The following TMLHE variants were observed in gnomAD, a reference collection of about 807,000 sequenced individuals.
TMLHE encodes trimethyllysine hydroxylase, epsilon.
In TMLHE, 18 loss-of-function variants were observed where a neutral mutation model predicts 25.7. The ratio of observed to expected loss-of-function variants is 0.70; its 90% CI spans 0.48 to 1.04. The LOEUF is 1.04. Ranked by LOEUF, TMLHE falls within the 50% of genes least tolerant of loss-of-function variation. TMLHE has a pLI of 0.00. For missense variants in TMLHE, 236 were observed against 259.0 expected (o/e 0.91, Z 0.61); for synonymous variants, 105 against 97.0 (o/e 1.08, Z -0.49).
intron 5 of TMLHE, 151 bp downstream of exon 5, chrX:155,511,522 C>G (rs1288986080): frequency 1.8e-6 from 1 of 550,501 alleles, no homozygotes; most frequent in Non-Finnish European, 2.7e-6. Context: ...TAAGGTATTT[C>G]AAAATGATCA....
In TMLHE at chrX:155,593,406, C is replaced by T. The variant is rs182703228; in HGVS notation, c.-2+19386G>A. Among the ~76,000 whole-genome samples, 8 of 112,015 alleles carry T rather than the reference C, an allele frequency of 7.1e-5. No homozygotes were observed. The South Asian group carries it at 1.1e-3, about 16-fold the overall frequency. Reference sequence around the variant, plus strand: ...TCCCAGGCTTGTTACCAGATGGCCCCGTCCAGTATCACAGGCTAGACAATA... The same window carrying T: ...TCCCAGGCTTGTTACCAGATGGCCCTGTCCAGTATCACAGGCTAGACAATA... On this transcript the variant is annotated intron_variant, in intron 1 of 7. Transcript: ENST00000334398.
intron 1 of TMLHE, among the ~76,000 whole-genome samples, chrX:155,598,516 C>T (rs1411991485): frequency 3.5e-5 from 3 of 85,732 alleles, no homozygotes; most frequent in Admixed American, 1.7e-4. Context: ...AACACATGGA[C>T]GTAGGAAGGG....
intron 1 of TMLHE, among the ~76,000 whole-genome samples, chrX:155,579,921 A>C (rs1427618455): frequency 9.0e-6 from 1 of 110,509 alleles, no homozygotes; most frequent in Non-Finnish European, 1.9e-5. Context: ...TAGGCAAAGA[A>C]TTCACAACTA....
rs150252224 is a variant in TMLHE at position 155,528,988 on chromosome X, G to A, written c.182-4356C>T. Among the ~76,000 whole-genome samples the A allele has an allele frequency of 7.0e-3, 780 of 111,876 alleles. 6 individuals carry two copies. Among genetic ancestry groups the A allele is most frequent in the African/African-American group, 0.024 (738 of 30,788 alleles). ...CTATCAGTGGGGAAGTGGAAGAATC[G>A]CTGAATAAACTGTGGTTTATCCACA... On this transcript the variant is annotated intron_variant, in intron 2 of 7. Transcript: ENST00000334398.
chrX:155,548,722 G>GCA (rs1557339485), intron 1 of TMLHE, among the ~76,000 whole-genome samples: 19 of 103,190 alleles, frequency 1.8e-4, no homozygotes, highest in African/African-American at 7.3e-4. Flanking sequence ...GCGACAGAGT[G>GCA]AGACTCTGTC....
intron 1 of TMLHE, among the ~76,000 whole-genome samples, chrX:155,579,617 T>A (rs782504657): frequency 8.9e-6 from 1 of 111,889 alleles, no homozygotes; most frequent in Admixed American, 9.5e-5. Context: ...ACTAAATCTG[T>A]CACTCTGGTA....
chrX:155,556,422 A>G (rs888539392), intron 1 of TMLHE, among the ~76,000 whole-genome samples: 26 of 111,019 alleles, frequency 2.3e-4, no homozygotes, highest in African/African-American at 7.8e-4. Context: ...AGAGTACGAA[A>G]GAGAGAAATT....
At chrX:155,541,458 G>T (rs1203341838) in intron 2 of TMLHE, among the ~76,000 whole-genome samples, 1 of 111,456 alleles carries the variant, frequency 9.0e-6, no homozygotes, top group African/African-American at 3.3e-5. Context: ...ATGGGCATTT[G>T]GGTTGTTTCC....
intron 1 of TMLHE, among the ~76,000 whole-genome samples, chrX:155,596,609 G>A (rs1174115318): frequency 8.9e-6 from 1 of 111,924 alleles, no homozygotes; most frequent in Non-Finnish European, 1.9e-5. Flanking sequence ...AAGAAATGAG[G>A]CTATTTTGAC....
In TMLHE at chrX:155,566,527, A is replaced by G. The variant is rs1260790995; in HGVS notation, c.-1-21250T>C. ...CAGAAGGTAACAATGAGTGTTCAAC[A>G]TGAAGGATAAGGCAGATATACAACA... On this transcript the variant is annotated intron_variant, in intron 1 of 7. Coordinates refer to ENST00000334398, the MANE Select transcript of TMLHE (RefSeq NM_018196.4). 3.2e-5 allele frequency among the ~76,000 whole-genome samples: 2 copies of G among 61,870 alleles called. 1 individual carries two copies. The highest frequency in any genetic ancestry group is 1.4e-3 in the East Asian group (2 of 1,407). 53.7% of individuals were successfully genotyped at this position (61,870 alleles called of 115,157 possible). A position where few individuals can be genotyped will look rare whatever the true frequency, so the allele number is the denominator to read the frequency against.
chrX:155,581,744 C>T (rs924644906), intron 1 of TMLHE, among the ~76,000 whole-genome samples: 1 of 112,185 alleles, frequency 8.9e-6, no homozygotes, highest in East Asian at 2.8e-4. Context: ...AATGGCCATA[C>T]TGCCCAAGGT....
chrX:155,592,632 A>G (rs1467011972), intron 1 of TMLHE, among the ~76,000 whole-genome samples: 1 of 111,995 alleles, frequency 8.9e-6, no homozygotes, highest in East Asian at 2.8e-4. Flanking sequence ...CTCCCCAGGA[A>G]GCCCACTCTA....
intron 1 of TMLHE, among the ~76,000 whole-genome samples, chrX:155,577,541 C>T (rs144394207): frequency 0.011 from 1,231 of 107,559 alleles, 20 homozygotes; most frequent in African/African-American, 0.04. Context: ...GATCACACCA[C>T]GGTGCTCCAA....
At chrX:155,514,556 T>A (rs1056730924) in intron 3 of TMLHE, among the ~76,000 whole-genome samples, 7 of 110,971 alleles carry the variant, frequency 6.3e-5, no homozygotes, top group Non-Finnish European at 1.1e-4. Context: ...CATCAAGTCA[T>A]CAAAGAATGA....
Position 155,514,143 on chromosome X carries a change from G to C in TMLHE, c.481C>G (p.Gln161Glu). ...LWNAEIYQQA[Q>E]VPSVDCQSFL... ...CTCTGGCAATCTACCGATGGAACTT[G>C]GGCTTGCTGGTAGATTTCAGCATTC... Residue 161 changes from glutamine (Q) to glutamate (E), a missense_variant, in exon 4 of 8, where the codon CAA becomes GAA. Physicochemically the swap from Gln to Glu is conservative, Grantham distance 29. Transcript: ENST00000334398. 8.3e-7 allele frequency: 1 copy of C among 1,210,940 alleles called. No homozygotes were observed. Among genetic ancestry groups the C allele is most frequent in the Non-Finnish European group, 1.1e-6 (1 of 895,120 alleles).
At chrX:155,576,587 A>G (rs1557343805) in intron 1 of TMLHE, among the ~76,000 whole-genome samples, 3 of 112,219 alleles carry the variant, frequency 2.7e-5, no homozygotes, top group Non-Finnish European at 5.6e-5. Context: ...TGGAGGAATC[A>G]CATTACTTGA....
intron 1 of TMLHE, among the ~76,000 whole-genome samples, chrX:155,584,399 A>G (rs1185472119): frequency 9.0e-6 from 1 of 111,309 alleles, no homozygotes; most frequent in Non-Finnish European, 1.9e-5. Flanking sequence ...TTGAATTATC[A>G]GTGTTCTCAA....
chrX:155,571,324 A>T (rs1557343073), intron 1 of TMLHE, among the ~76,000 whole-genome samples: 1 of 55,621 alleles, frequency 1.8e-5, no homozygotes, highest in African/African-American at 4.3e-5. Context: ...ACAGGCTCTG[A>T]AATTGTGGCA....
At chrX:155,544,632 T>C (rs2067332494) in intron 2 of TMLHE, among the ~76,000 whole-genome samples, 1 of 112,291 alleles carries the variant, frequency 8.9e-6, no homozygotes, top group Non-Finnish European at 1.9e-5. Flanking sequence ...AAGTATTCCC[T>C]CCTGCCAACT....
Sources: allele counts gnomAD v4.1 joint callset (sites outside exome capture counted in the v4.1 genomes callset), GRCh38; gene constraint gnomAD v4.1.1; transcripts MANE v1.5; gene names NCBI Gene and HGNC (gene_info 2026-07-23, HGNC 2026-07-21).